ITGA11: variants seen among roughly 807,000 people sequenced by gnomAD.
ITGA11 encodes integrin alpha-11.
ITGA11 carries 97 observed loss-of-function variants against 141.9 expected under a neutral mutation model. That is an observed-to-expected ratio of 0.68 (90% CI 0.58 to 0.81). The LOEUF (loss-of-function observed/expected upper bound fraction) is 0.81, where lower values mean the gene tolerates loss of function less well. Ranked by LOEUF, ITGA11 falls within the 30% of genes least tolerant of loss-of-function variation. The pLI, the probability that ITGA11 is intolerant of heterozygous loss-of-function variation, is 0.00. For synonymous variants in ITGA11, 658 were observed against 624.6 expected (o/e 1.05, Z -0.80); for missense variants, 1,387 against 1,559.2 (o/e 0.89, Z 1.86).
intron 20 of ITGA11, among the ~76,000 whole-genome samples, chr15:68,318,926 G>A (rs1027093246): frequency 6.6e-6 from 1 of 152,204 alleles, no homozygotes; most frequent in East Asian, 1.9e-4. Context: ...CAACAAACTT[G>A]TCTTGAGGGC....
intron 10 of ITGA11, among the ~76,000 whole-genome samples, chr15:68,343,143 G>A (rs1006964407): frequency 3.3e-5 from 5 of 152,104 alleles, no homozygotes; most frequent in Admixed American, 3.3e-4. Context: ...GTACATGGTA[G>A]CTCTTCTCGT....
At chr15:68,382,901 T>C (rs1278071429) in intron 2 of ITGA11, among the ~76,000 whole-genome samples, 1 of 152,210 alleles carries the variant, frequency 6.6e-6, no homozygotes, top group Admixed American at 6.5e-5. Flanking sequence ...CATCTTGCTA[T>C]TGGTTATGTG....
intron 1 of ITGA11, among the ~76,000 whole-genome samples, chr15:68,425,826 C>T (rs898651077): frequency 7.2e-5 from 11 of 152,358 alleles, no homozygotes; most frequent in Admixed American, 2.0e-4. Context: ...CTGAGTGATG[C>T]TGCTGGGGGA....
intron 14 of ITGA11, 69 bp from the exon 15 acceptor site, chr15:68,331,180 GCAGGAACAAT>G: frequency 7.0e-7 from 1 of 1,432,560 alleles, no homozygotes; most frequent in South Asian, 1.2e-5. Flanking sequence ...TCCCCGAGCA[GCAGGAACAAT>G]CAGGAACAAT....
In ITGA11 at chr15:68,420,733, A is replaced by G. The variant is rs142398691; in HGVS notation, c.52+11282T>C. The stretch of plus-strand genomic sequence containing the variant: ...TATTTATCACTTGTGTACTCTGGCC[A>G]AGCACTGTTCTGGGCCCTGGGATGC... On this transcript the variant is annotated intron_variant, in intron 1 of 29. Coordinates refer to ENST00000315757, the MANE Select transcript of ITGA11 (RefSeq NM_001004439.2). Among the ~76,000 whole-genome samples the G allele has an allele frequency of 5.0e-3, 756 of 152,358 alleles. 9 individuals carry two copies. Among genetic ancestry groups the G allele is most frequent in the African/African-American group, 0.017 (700 of 41,570 alleles).
chr15:68,330,955 G>A, intron 15 of ITGA11, 26 bp downstream of exon 15: 5 of 1,613,488 alleles, frequency 3.1e-6, no homozygotes, highest in Non-Finnish European at 4.2e-6. Context: ...GAGAGCCCAG[G>A]AGGTGGGAAC....
At chr15:68,345,771 C>T (rs1894725623) in intron 10 of ITGA11, among the ~76,000 whole-genome samples, 1 of 152,140 alleles carries the variant, frequency 6.6e-6, no homozygotes, top group Non-Finnish European at 1.5e-5. Flanking sequence ...GACCCAATAG[C>T]CCTGATCCCC....
intron 2 of ITGA11, among the ~76,000 whole-genome samples, chr15:68,382,882 G>A (rs1393017528): frequency 6.6e-6 from 1 of 152,198 alleles, no homozygotes; most frequent in East Asian, 1.9e-4. Context: ...GCCTCAGGTT[G>A]ATAACAAGCA....
intron 2 of ITGA11, among the ~76,000 whole-genome samples, chr15:68,371,167 A>G (rs1005321109): frequency 2.0e-5 from 3 of 152,176 alleles, no homozygotes; most frequent in African/African-American, 7.2e-5. Context: ...TTAATTCTGC[A>G]AGTGATTGTG....
chr15:68,369,403 G>A, intron 2 of ITGA11, 119 bp from the exon 3 acceptor site: 1 of 643,810 alleles, frequency 1.6e-6, no homozygotes, highest in South Asian at 1.8e-5. Flanking sequence ...AGGGAACCCT[G>A]GAGGTGTGAC....
At chr15:68,336,160 C>T (rs545482448) in intron 11 of ITGA11, 3 of 396,866 alleles carry the variant, frequency 7.6e-6, no homozygotes, top group South Asian at 2.9e-5. Flanking sequence ...CCTTCACCTG[C>T]TCATGAGCAC....
At chr15:68,396,556 T>G (rs762646539) in intron 2 of ITGA11, among the ~76,000 whole-genome samples, 4 of 151,840 alleles carry the variant, frequency 2.6e-5, no homozygotes, top group Non-Finnish European at 5.9e-5. Flanking sequence ...TTTTTGACCT[T>G]GCACTGAAGA....
chr15:68,411,579 G>A (rs1241920469), intron 1 of ITGA11, among the ~76,000 whole-genome samples: 1 of 152,198 alleles, frequency 6.6e-6, no homozygotes, highest in Non-Finnish European at 1.5e-5. Flanking sequence ...GAGGCACAGC[G>A]ATCCCGTAAC....
intron 23 of ITGA11, among the ~76,000 whole-genome samples, chr15:68,313,119 C>A (rs1893449993): frequency 6.6e-6 from 1 of 152,208 alleles, no homozygotes; most frequent in African/African-American, 2.4e-5. Context: ...CTCATCCCTG[C>A]CCCAGCGTCT....
Position 68,336,000 on chromosome 15 carries a change from T to C in ITGA11, c.1277-155A>G. The C allele has an allele frequency of 1.1e-6, 1 of 881,838 alleles. No individual in the cohort carries two copies. Among genetic ancestry groups the C allele is most frequent in the Non-Finnish European group, 1.7e-6 (1 of 583,244 alleles). 54.6% of individuals were successfully genotyped at this position (881,838 alleles called of 1,614,324 possible). A position where few individuals can be genotyped will look rare whatever the true frequency, so the allele number is the denominator to read the frequency against. ...TTCAATCACGCAGGGCCATAATTCCTAGGGGCAGCTGGGGAGGCCTGGAAG... is the reference window on the plus strand; with the variant it reads ...TTCAATCACGCAGGGCCATAATTCCCAGGGGCAGCTGGGGAGGCCTGGAAG... On this transcript the variant is annotated intron_variant, in intron 11 of 29. Coordinates refer to ENST00000315757, the MANE Select transcript of ITGA11 (RefSeq NM_001004439.2). This position sits in a 1 kb window ranked among gnomAD's most constrained non-coding sequence, Gnocchi z 4.9.
rs142985666 is a variant in ITGA11 at position 68,338,995 on chromosome 15, G to A, written c.1276+505C>T. 5.9e-3 allele frequency among the ~76,000 whole-genome samples: 899 copies of A among 152,326 alleles called. 13 individuals are homozygous for A. Among genetic ancestry groups the A allele is most frequent in the African/African-American group, 0.02 (840 of 41,566 alleles). ...ACTTTGGCCAGCAGGCTAAGGCCTC[G>A]CTGCTGGGACCTTCACCATCAATGA... is the stretch of plus-strand genomic sequence containing the variant. On this transcript the variant is annotated intron_variant, in intron 11 of 29. Coordinates refer to ENST00000315757, the MANE Select transcript of ITGA11 (RefSeq NM_001004439.2).
intron 1 of ITGA11, among the ~76,000 whole-genome samples, chr15:68,417,553 G>T (rs111579924): frequency 4.6e-5 from 7 of 152,018 alleles, no homozygotes; most frequent in African/African-American, 7.3e-5. Flanking sequence ...ATCTTTCAAC[G>T]GTGTGAACTA....
intron 1 of ITGA11, among the ~76,000 whole-genome samples, chr15:68,431,088 C>T (rs1897258583): frequency 6.6e-6 from 1 of 152,242 alleles, no homozygotes. Context: ...GGCCGTCTTC[C>T]GCAGAACAGC....
At chr15:68,372,400 T>C (rs576226882) in intron 2 of ITGA11, among the ~76,000 whole-genome samples, 2 of 152,156 alleles carry the variant, frequency 1.3e-5, no homozygotes, top group South Asian at 2.1e-4. Context: ...GGGGGCTTGA[T>C]ACCCTATACC....
Sources: allele counts gnomAD v4.1 joint callset (sites outside exome capture counted in the v4.1 genomes callset), GRCh38; gene constraint gnomAD v4.1.1; non-coding constraint Gnocchi (gnomAD v3.1); transcripts MANE v1.5; gene names NCBI Gene and HGNC (gene_info 2026-07-23, HGNC 2026-07-21).